LRP1B: variants seen among roughly 807,000 people sequenced by gnomAD.
LRP1B encodes the protein LDL receptor related protein 1B.
In LRP1B, 217 loss-of-function variants were observed where a neutral mutation model predicts 556.6. The ratio of observed to expected loss-of-function variants is 0.39; its 90% CI spans 0.35 to 0.44. The LOEUF (loss-of-function observed/expected upper bound fraction) is 0.44, where lower values mean the gene tolerates loss of function less well. Among genes scored for constraint, LRP1B ranks in the 20% least tolerant of loss-of-function variants. LRP1B has a pLI of 1.00. For synonymous variants in LRP1B, 2,047 were observed against 1,865.8 expected (o/e 1.10, Z -2.50); for missense variants, 5,053 against 5,620.8 (o/e 0.90, Z 3.23).
At chr2:141,003,416 T>C (rs918609126) in intron 15 of LRP1B, among the ~76,000 whole-genome samples, 1 of 152,070 alleles carries the variant, frequency 6.6e-6, no homozygotes, top group African/African-American at 2.4e-5. Flanking sequence ...GGTTTGGCTG[T>C]GTCCCCACCC....
intron 1 of LRP1B, among the ~76,000 whole-genome samples, chr2:141,874,576 G>C (rs564297075): frequency 6.6e-6 from 1 of 151,890 alleles, no homozygotes; most frequent in South Asian, 2.1e-4. Context: ...TTTTGAAAAA[G>C]AGAAATAAAT....
At chr2:140,303,491 C>T (rs1363250579) in intron 83 of LRP1B, among the ~76,000 whole-genome samples, 1 of 151,984 alleles carries the variant, frequency 6.6e-6, no homozygotes, top group Non-Finnish European at 1.5e-5. Flanking sequence ...TTGTGATCCT[C>T]CTACCTCAGC....
intron 55 of LRP1B, among the ~76,000 whole-genome samples, chr2:140,497,912 G>T (rs997947542): frequency 6.6e-6 from 1 of 151,792 alleles, no homozygotes; most frequent in Non-Finnish European, 1.5e-5. Context: ...AAGATTTACA[G>T]TAAATTTTTT....
rs140313979 is a variant in LRP1B, at chr2:140,485,754, A to T, written c.9244-230T>A. Reference sequence around the variant, plus strand: ...CACATAGTTTTAAATAAAATGATTTAAAAAAAGTTGTTGGAGAGCTGCACA... The same window carrying T: ...CACATAGTTTTAAATAAAATGATTTTAAAAAAGTTGTTGGAGAGCTGCACA... On this transcript the variant is annotated intron_variant, in intron 58 of 90. Coordinates refer to ENST00000389484, the MANE Select transcript of LRP1B (RefSeq NM_018557.3). Among the ~76,000 whole-genome samples the T allele has an allele frequency of 7.0e-3, 1,063 of 152,014 alleles. 14 individuals are homozygous for T. Among genetic ancestry groups the T allele is most frequent in the African/African-American group, 0.024 (996 of 41,486 alleles).
chr2:140,522,678 CAAAAA>C lies in LRP1B; in HGVS notation c.8026+3161_8026+3165del, dbSNP rs70988403. ...GTTGATGGACCGCTTGCTAGATTAA[CAAAAA>C]AAAAAGAGATAAGTCTAAAACAAGC... is the stretch of plus-strand genomic sequence containing the variant. On this transcript the variant is annotated intron_variant, in intron 49 of 90. Coordinates refer to ENST00000389484, the MANE Select transcript of LRP1B (RefSeq NM_018557.3). Among the ~76,000 whole-genome samples, 4 of 151,100 alleles carry C rather than the reference CAAAAA, an allele frequency of 2.6e-5. No individual in the cohort carries two copies. The South Asian group carries it at 6.2e-4, about 24-fold the overall frequency.
At chr2:140,729,208 C>A (rs1687694206) in intron 35 of LRP1B, among the ~76,000 whole-genome samples, 1 of 151,984 alleles carries the variant, frequency 6.6e-6, no homozygotes, top group Non-Finnish European at 1.5e-5. Context: ...AATATTCAGA[C>A]ACTGCTATAT....
chr2:141,085,871 A>T (rs1280099314), intron 7 of LRP1B, among the ~76,000 whole-genome samples: 1 of 152,206 alleles, frequency 6.6e-6, no homozygotes, highest in Non-Finnish European at 1.5e-5. Flanking sequence ...TTAATCTAGA[A>T]TAGTTTCCCT....
chr2:141,750,631 A>C (rs1352652187), intron 2 of LRP1B, among the ~76,000 whole-genome samples: 4 of 152,170 alleles, frequency 2.6e-5, no homozygotes, highest in African/African-American at 9.6e-5. Flanking sequence ...CTCTTCTTCT[A>C]TTTGATTATA....
At chr2:140,779,723 G>A (rs913041611) in intron 32 of LRP1B, among the ~76,000 whole-genome samples, 4 of 142,168 alleles carry the variant, frequency 2.8e-5, no homozygotes, top group Non-Finnish European at 6.1e-5. Context: ...AAGTGTGTGT[G>A]TGTGTGTGGT....
At chr2:141,467,107 TATATATATATATATATC>T (rs1682248846) in intron 3 of LRP1B, among the ~76,000 whole-genome samples, 1 of 82,202 alleles carries the variant, frequency 1.2e-5, no homozygotes. Flanking sequence ...TATGTGTATA[TATATATATATATATATC>T]TATATATATA....
intron 6 of LRP1B, among the ~76,000 whole-genome samples, chr2:141,192,398 A>T (rs1426242071): frequency 6.6e-6 from 1 of 151,930 alleles, no homozygotes; most frequent in African/African-American, 2.4e-5. Context: ...GAGCGAAGTG[A>T]ATTTCCTAAA....
At chr2:141,884,424 T>C (rs954364928) in intron 1 of LRP1B, among the ~76,000 whole-genome samples, 2 of 152,094 alleles carry the variant, frequency 1.3e-5, no homozygotes, top group African/African-American at 4.8e-5. Context: ...TTTTTCTGGA[T>C]CTAAGAAATG....
chr2:141,361,001 A>T (rs1323436786), intron 3 of LRP1B, among the ~76,000 whole-genome samples: 1 of 152,208 alleles, frequency 6.6e-6, no homozygotes. Context: ...AATAGATTGA[A>T]TAAATAAAGC....
At chr2:141,997,364 TG>T (rs1335605999) in intron 1 of LRP1B, among the ~76,000 whole-genome samples, 4 of 150,218 alleles carry the variant, frequency 2.7e-5, no homozygotes, top group African/African-American at 4.9e-5. Flanking sequence ...TTAATTAAAA[TG>T]TAATATCCAA....
chr2:141,910,238 A>T (rs1281314395), intron 1 of LRP1B, among the ~76,000 whole-genome samples: 3 of 151,916 alleles, frequency 2.0e-5, no homozygotes, highest in African/African-American at 7.3e-5. Context: ...TTGCCTTGTA[A>T]ATTTCTTTTC....
chr2:140,321,091 A>G (rs973721098), intron 82 of LRP1B, among the ~76,000 whole-genome samples: 4 of 152,084 alleles, frequency 2.6e-5, no homozygotes, highest in Non-Finnish European at 5.9e-5. Flanking sequence ...TAATTTTTAA[A>G]AGTATTATGT....
At chr2:140,463,912 G>A (rs1687427055) in intron 60 of LRP1B, among the ~76,000 whole-genome samples, 1 of 152,116 alleles carries the variant, frequency 6.6e-6, no homozygotes, top group Admixed American at 6.5e-5. Flanking sequence ...AATTAATACT[G>A]TGGCCAGGAG....
chr2:140,584,569 T>C (rs1681907999), intron 43 of LRP1B, among the ~76,000 whole-genome samples: 1 of 152,122 alleles, frequency 6.6e-6, no homozygotes, highest in Non-Finnish European at 1.5e-5. Flanking sequence ...TCCATCAGTA[T>C]CAGTATCTCA....
chr2:141,670,142 G>A (rs1319614117), intron 2 of LRP1B, among the ~76,000 whole-genome samples: 1 of 152,102 alleles, frequency 6.6e-6, no homozygotes, highest in East Asian at 1.9e-4. Flanking sequence ...CCTGTAGACT[G>A]CACACATTTT....
Sources: allele counts gnomAD v4.1 joint callset (sites outside exome capture counted in the v4.1 genomes callset), GRCh38; gene constraint gnomAD v4.1.1; transcripts MANE v1.5; gene names NCBI Gene and HGNC (gene_info 2026-07-23, HGNC 2026-07-21).